The following FBXL13 variants were observed in gnomAD, a reference collection of about 807,000 sequenced individuals.
FBXL13 encodes the protein F-box and leucine rich repeat protein 13.
A neutral mutation model predicts 83.6 loss-of-function variants in FBXL13; 67 were observed. That is an observed-to-expected ratio of 0.80 (90% CI 0.66 to 0.98). The LOEUF is 0.98. FBXL13 is among the 50% of genes least tolerant of loss of function. The probability of loss-of-function intolerance (pLI) is 0.00; values close to 1 mark genes in which losing one functional copy is unlikely to be tolerated. For missense variants in FBXL13, 822 were observed against 866.5 expected, an observed-to-expected ratio of 0.95 and a Z score of 0.64; for synonymous variants, 272 against 299.5, an observed-to-expected ratio of 0.91 and a Z score of 0.95.
intron 1 of FBXL13, among the ~76,000 whole-genome samples, chr7:103,061,078 G>A (rs1435980326): frequency 6.6e-6 from 1 of 152,064 alleles, no homozygotes; most frequent in Non-Finnish European, 1.5e-5. Context: ...CTCTATAAAT[G>A]AATATTCCGG....
At chr7:103,052,866 C>T (rs1003297430) in intron 2 of FBXL13, among the ~76,000 whole-genome samples, 1 of 151,598 alleles carries the variant, frequency 6.6e-6, no homozygotes, top group Admixed American at 6.6e-5. Context: ...AAGTGATTCT[C>T]CTGGCTCACC....
intron 17 of FBXL13, among the ~76,000 whole-genome samples, chr7:102,851,520 C>T (rs951134707): frequency 7.2e-6 from 1 of 139,478 alleles, no homozygotes; most frequent in Non-Finnish European, 1.5e-5. Context: ...TTTCTTCTTC[C>T]TCCTCCTCTC....
intron 11 of FBXL13, among the ~76,000 whole-genome samples, chr7:102,909,561 C>G (rs1814315616): frequency 6.6e-6 from 1 of 151,056 alleles, no homozygotes. Flanking sequence ...CTGGGTATTG[C>G]TGCTAGTTAT....
chr7:102,907,684 T>G (rs1251017653), intron 11 of FBXL13, among the ~76,000 whole-genome samples: 1 of 152,170 alleles, frequency 6.6e-6, no homozygotes, highest in African/African-American at 2.4e-5. Flanking sequence ...TATTCCATGG[T>G]GTATATGTGC....
At chr7:103,001,560 G>C (rs1169187975) in intron 6 of FBXL13, among the ~76,000 whole-genome samples, 1 of 152,144 alleles carries the variant, frequency 6.6e-6, no homozygotes, top group Non-Finnish European at 1.5e-5. Context: ...CAGTGGACTG[G>C]GTGAGGAAGA....
intron 14 of FBXL13, 134 bp from the exon 16 acceptor site, chr7:102,878,584 T>C (rs17135875): frequency 0.2 from 95,897 of 486,818 alleles, 11,211 homozygotes; most frequent in African/African-American, 0.38. Flanking sequence ...ATTTTGTCAA[T>C]ATTTTAAAAC....
intron 10 of FBXL13, among the ~76,000 whole-genome samples, chr7:102,916,131 C>G (rs1015292467): frequency 6.6e-6 from 1 of 152,006 alleles, no homozygotes; most frequent in Non-Finnish European, 1.5e-5. Flanking sequence ...TTACAGGCAC[C>G]CACCACGACG....
chr7:103,029,351 C>T (rs1282299983), exon 3 of FBXL13: 1 of 1,534,404 alleles, frequency 6.5e-7, no homozygotes, highest in Non-Finnish European at 8.8e-7. Flanking sequence ...ACATTCTTAC[C>T]AAAAATGAGT....
At chr7:103,054,972 G>A in intron 2 of FBXL13, 116 bp downstream of exon 3, 1 of 484,468 alleles carries the variant, frequency 2.1e-6, no homozygotes, top group East Asian at 7.3e-5. Flanking sequence ...TTTTCTCGGT[G>A]CCCCCAACAA....
At chr7:103,038,208 A>G (rs1274556048) in intron 2 of FBXL13, among the ~76,000 whole-genome samples, 1 of 152,208 alleles carries the variant, frequency 6.6e-6, no homozygotes, top group African/African-American at 2.4e-5. Flanking sequence ...CTGCTAGCGC[A>G]GCAGTCTGAG....
rs1359190693 is a variant in FBXL13 at position 103,062,015 on chromosome 7, T to C, written c.-104-6268A>G. Among the ~76,000 whole-genome samples the C allele has an allele frequency of 9.6e-5, 6 of 62,528 alleles. No homozygotes were observed. In the Admixed American group the frequency reaches 1.3e-3, roughly 14 times the overall value. The allele number at this position is 62,528 out of a possible 152,430, so 41.0% of individuals were successfully genotyped here. ...AAAACATAAAAACTTCTCAGAAAAA[T>C]CATAATTACCAAAAAAAAAAAAAAA... On this transcript the variant is annotated intron_variant, in intron 1 of 19. Transcript: ENST00000313221.
At chr7:103,017,898 C>G (rs1022118046) in intron 6 of FBXL13, among the ~76,000 whole-genome samples, 2 of 152,172 alleles carry the variant, frequency 1.3e-5, no homozygotes, top group Non-Finnish European at 1.5e-5. Context: ...GGAAAACACT[C>G]TTTGGGATAT....
At position 102,883,404 on chromosome 7, in the gene FBXL13, T is replaced by A. The variant is rs192327349; in HGVS notation, c.1289A>T (p.His430Leu). 1.7e-5 allele frequency: 28 copies of A among 1,613,820 alleles called. 1 individual carries two copies. The East Asian group carries it at 5.3e-4, about 31-fold the overall frequency. ...TCCCTTGCAGTCAGCCATATAAATG[T>A]GACTGAGATTTGGATAATTCTTGTC... The change falls in exon 14 of 20, where the codon CAC becomes CTC. Residue 430 changes from histidine (H) to leucine (L), a missense_variant. Physicochemically the swap from His to Leu is moderately conservative, Grantham distance 99. Transcript: ENST00000313221.
chr7:102,973,694 A>G (rs1241532155), intron 6 of FBXL13: 1 of 766,320 alleles, frequency 1.3e-6, no homozygotes. Context: ...AGCAGGCCAC[A>G]GCAGCCGGAC....
At chr7:102,959,336 T>C (rs1280718765) in intron 8 of FBXL13, among the ~76,000 whole-genome samples, 2 of 152,158 alleles carry the variant, frequency 1.3e-5, no homozygotes, top group African/African-American at 4.8e-5. Context: ...AAATTCTATC[T>C]ATTTGCACAA....
At chr7:103,039,490 G>A (rs570583201) in intron 2 of FBXL13, among the ~76,000 whole-genome samples, 94 of 152,134 alleles carry the variant, frequency 6.2e-4, no homozygotes, top group South Asian at 2.7e-3. Flanking sequence ...ACAAAGATAC[G>A]CCTTGAGAAG....
chr7:102,878,278 A>G (rs1809527707), intron 15 of FBXL13, 53 bp downstream of exon 16: 1 of 1,462,772 alleles, frequency 6.8e-7, no homozygotes, highest in East Asian at 2.5e-5. Flanking sequence ...CATGTCTCCT[A>G]TTATCAAATA....
At chr7:102,884,283 T>C (rs1374350680) in exon 12 of FBXL13, 1 of 1,613,744 alleles carries the variant, frequency 6.2e-7, no homozygotes, top group Non-Finnish European at 8.5e-7. Flanking sequence ...TGCAGCTGTT[T>C]GCAATGTACC....
chr7:102,900,880 T>C (rs1487972528), intron 11 of FBXL13, among the ~76,000 whole-genome samples: 1 of 152,254 alleles, frequency 6.6e-6, no homozygotes, highest in African/African-American at 2.4e-5. Flanking sequence ...TGCATAATGA[T>C]GTGAAATACT....
Sources: gnomAD v4.1 joint callset for allele counts (sites outside exome capture counted in the v4.1 genomes callset) on GRCh38, gnomAD v4.1.1 for gene constraint, MANE v1.5 for transcripts, NCBI Gene and HGNC (gene_info 2026-07-23, HGNC 2026-07-21) for gene names.